SLC27A5: variants seen among roughly 807,000 people sequenced by gnomAD.
The protein encoded by SLC27A5 is solute carrier family 27 member 5.
A neutral mutation model predicts 63.1 loss-of-function variants in SLC27A5; 47 were observed. The observed-to-expected ratio is 0.74, with a 90% CI of 0.59 to 0.95. The LOEUF (loss-of-function observed/expected upper bound fraction) is 0.95, where lower values mean the gene tolerates loss of function less well. Ranked by LOEUF, SLC27A5 falls within the 40% of genes least tolerant of loss-of-function variation. The pLI is 0.00. For missense variants in SLC27A5, 940 were observed against 921.0 expected (o/e 1.02, Z -0.27); for synonymous variants, 391 against 403.8 (o/e 0.97, Z 0.38).
chr19:58,498,556 C>G lies in SLC27A5; in HGVS notation c.2032G>C (p.Glu678Gln). 6.2e-7 allele frequency: 1 copy of G among 1,613,990 alleles called. No individual in the cohort carries two copies. The highest frequency in any genetic ancestry group is 8.5e-7 in the Non-Finnish European group (1 of 1,179,938). ...RAQSFRPLTA[E>Q]MYQAVCEGTW... ...CCCTCACACACAGCCTGGTACATTT[C>G]TGCCGTCAGGGGCCGGAAGGACTGG... is the stretch of plus-strand genomic sequence containing the variant. The change falls in exon 10 of 10, where the codon GAA becomes CAA. Residue 678 changes from glutamate to glutamine, a missense_variant. By Grantham distance (29) the Glu-to-Gln change is conservative. Coordinates refer to ENST00000263093, the MANE Select transcript of SLC27A5 (RefSeq NM_012254.3).
intron 3 of SLC27A5, among the ~76,000 whole-genome samples, chr19:58,502,046 A>G (rs2053279331): frequency 6.6e-6 from 1 of 152,224 alleles, no homozygotes; most frequent in South Asian, 2.1e-4. Context: ...ACGATAAATG[A>G]ATGCCCAGCT....
At chr19:58,510,496 C>T (rs1192576354) in intron 2 of SLC27A5, 3 of 479,392 alleles carry the variant, frequency 6.3e-6, no homozygotes, top group Admixed American at 3.8e-5. Context: ...ATTGCTTGAA[C>T]CCAGGAGGTG....
intron 3 of SLC27A5, among the ~76,000 whole-genome samples, chr19:58,502,989 G>A (rs140655709): frequency 0.016 from 2,364 of 151,826 alleles, 67 homozygotes; most frequent in African/African-American, 0.053. Flanking sequence ...GGCGGATCAC[G>A]AGGTCAGGAG....
At chr19:58,507,396 C>T (rs1262319351) in intron 3 of SLC27A5, 2 of 152,158 alleles carry the variant, frequency 1.3e-5, no homozygotes, top group Non-Finnish European at 2.9e-5. Flanking sequence ...CCAAATAATA[C>T]TCTTATAATT....
rs1379321239 is a variant in SLC27A5 at position 58,500,356 on chromosome 19, C to T, written c.1451G>A (p.Cys484Tyr). ...AEPVRDNQGFCIPVGLGEPGL... is the reference protein window; with the variant it reads ...AEPVRDNQGFYIPVGLGEPGL... ...CCCCATACCTAGCCCTACAGGGATG[C>T]AGAAGCCCTGATTGTCCCTCACAGG... is the stretch of plus-strand genomic sequence containing the variant. The change falls in exon 6 of 10, where the codon TGC becomes TAC. Residue 484 changes from cysteine to tyrosine, a missense_variant. Physicochemically the swap from Cys to Tyr is radical, Grantham distance 194. Transcript: ENST00000263093. 2 of 1,613,260 alleles carry T rather than the reference C, an allele frequency of 1.2e-6. No individual in the cohort carries two copies. The highest frequency in any genetic ancestry group is 8.5e-7 in the Non-Finnish European group (1 of 1,179,964).
Position 58,511,488 on chromosome 19 carries a change from T to C in SLC27A5, c.468A>G (p.Ala156=). 1 of 1,577,246 alleles carries C rather than the reference T, an allele frequency of 6.3e-7. No individual in the cohort carries two copies. The highest frequency in any genetic ancestry group is 8.6e-7 in the Non-Finnish European group (1 of 1,161,778). Residue 156 remains alanine, a synonymous_variant, in exon 1 of 10, where the codon GCA becomes GCG. Coordinates refer to ENST00000263093, the MANE Select transcript of SLC27A5 (RefSeq NM_012254.3). ...CACCCAGCTCAGCCTTCAGGGCCCA[T>C]GCCGCCTGGCAGGCCCGGGCATCCA... The part of the protein sequence containing the change: ...GELDARACQA[A]WALKAELGDP...
At chr19:58,502,359 A>C (rs113542167) in intron 3 of SLC27A5, among the ~76,000 whole-genome samples, 1 of 147,040 alleles carries the variant, frequency 6.8e-6, no homozygotes, top group African/African-American at 2.5e-5. Flanking sequence ...GGATGGGTGG[A>C]CAGTTAGAGT....
intron 7 of SLC27A5, 41 bp from the exon 8 acceptor site, chr19:58,499,261 A>C (rs557646367): frequency 6.3e-7 from 1 of 1,586,680 alleles, no homozygotes; most frequent in Non-Finnish European, 8.6e-7. Context: ...CGCCCCCGGG[A>C]AGGAGAGGCC....
intron 3 of SLC27A5, among the ~76,000 whole-genome samples, chr19:58,503,285 G>A (rs1465733452): frequency 6.6e-6 from 1 of 151,944 alleles, no homozygotes; most frequent in African/African-American, 2.4e-5. Context: ...GAATGAATGA[G>A]TGAGGAAGTA....
At chr19:58,504,295 G>A (rs1291109581) in intron 3 of SLC27A5, among the ~76,000 whole-genome samples, 1 of 152,118 alleles carries the variant, frequency 6.6e-6, no homozygotes, top group Non-Finnish European at 1.5e-5. Context: ...GATATGTACT[G>A]CAATATTTAC....
At chr19:58,509,792 C>T (rs1428753917) in intron 3 of SLC27A5, 55 bp downstream of exon 3, 15 of 1,523,532 alleles carry the variant, frequency 9.8e-6, no homozygotes, top group East Asian at 7.1e-5. Flanking sequence ...AGCCCCACGC[C>T]GACACTTACT....
chr19:58,500,035 G>A (rs866455966), intron 6 of SLC27A5, among the ~76,000 whole-genome samples: 7 of 152,090 alleles, frequency 4.6e-5, no homozygotes, highest in Non-Finnish European at 8.8e-5. Context: ...GAAGGTACAG[G>A]ACAAGGGACC....
Position 58,510,889 on chromosome 19 carries a change from C to A in SLC27A5, c.730G>T (p.Ala244Ser), listed in dbSNP as rs1235001194. Residue 244 changes from alanine (A) to serine (S), a missense_variant, in exon 2 of 10, where the codon GCT (alanine) becomes TCT (serine). Transcript: ENST00000263093. ...SLEEILPKLQAENIRCFYLSH... is the reference protein window; with the variant it reads ...SLEEILPKLQSENIRCFYLSH... ...AGGTAGAAGCAGCGGATGTTCTCAG[C>A]CTGCAGCTTGGGAAGGATCTCCTCC... is the stretch of plus-strand genomic sequence containing the variant. 6.2e-7 allele frequency: 1 copy of A among 1,611,994 alleles called. No homozygotes were observed. The highest frequency in any genetic ancestry group is 1.3e-5 in the African/African-American group (1 of 75,006).
At position 58,510,250 on chromosome 19, in the gene SLC27A5, A is replaced by G. The variant is rs149082009; in HGVS notation, c.899-245T>C. On this transcript the variant is annotated intron_variant, in intron 2 of 9. Transcript: ENST00000263093. ...AAGAATTCTGGCATTGACCTCTCAAATTACATTGGGGGTCAGAGTTCAGGC... is the reference window on the plus strand; with the variant it reads ...AAGAATTCTGGCATTGACCTCTCAAGTTACATTGGGGGTCAGAGTTCAGGC... 383 of 466,978 alleles carry G rather than the reference A, an allele frequency of 8.2e-4. 2 individuals are homozygous for G. The Middle Eastern group carries it at 0.016, about 20-fold the overall frequency. The allele number at this position is 466,978 out of a possible 1,614,324, so 28.9% of individuals were successfully genotyped here.
At chr19:58,499,242 T>C (rs771460559) in intron 7 of SLC27A5, 22 bp from the exon 8 acceptor site, 126 of 1,609,186 alleles carry the variant, frequency 7.8e-5, no homozygotes, top group Non-Finnish European at 1.0e-4. Flanking sequence ...GAGCCGGCGC[T>C]TGTGACCACG....
intron 3 of SLC27A5, among the ~76,000 whole-genome samples, chr19:58,506,648 AC>A (rs1457536795): frequency 2.8e-5 from 4 of 142,054 alleles, no homozygotes; most frequent in African/African-American, 1.1e-4. Context: ...AACTATTTTC[AC>A]TTTTTTTTTT....
intron 2 of SLC27A5, 108 bp downstream of exon 2, chr19:58,510,613 C>G: frequency 1.1e-6 from 1 of 945,914 alleles, no homozygotes; most frequent in South Asian, 2.0e-5. Context: ...ATGTCAAAAT[C>G]AGAGGGTAAA....
rs553538992 is a variant in SLC27A5, at chr19:58,510,355, C to T, written c.899-350G>A. 2.7e-3 allele frequency: 920 copies of T among 338,852 alleles called. 4 individuals carry two copies. The highest frequency in any genetic ancestry group is 3.9e-3 in the Non-Finnish European group (721 of 185,526). The allele number at this position is 338,852 out of a possible 1,614,324, so 21.0% of individuals were successfully genotyped here. ...TTGAGAGGCTGAGTTGGGCAGGTCCCCTGAGGTCAGGGGTTAGAGACCAGC... is the reference window on the plus strand; with the variant it reads ...TTGAGAGGCTGAGTTGGGCAGGTCCTCTGAGGTCAGGGGTTAGAGACCAGC... On this transcript the variant is annotated intron_variant, in intron 2 of 9. Coordinates refer to ENST00000263093, the MANE Select transcript of SLC27A5 (RefSeq NM_012254.3).
At chr19:58,507,213 C>T (rs954427407) in intron 3 of SLC27A5, among the ~76,000 whole-genome samples, 16 of 151,902 alleles carry the variant, frequency 1.1e-4, no homozygotes, top group Non-Finnish European at 1.8e-4. Context: ...AAAAATTAGC[C>T]GGGCATAGTG....
Sources: allele counts gnomAD v4.1 joint callset (sites outside exome capture counted in the v4.1 genomes callset), GRCh38; gene constraint gnomAD v4.1.1; transcripts MANE v1.5; gene names NCBI Gene and HGNC (gene_info 2026-07-23, HGNC 2026-07-21).